The following SPAG16 variants were observed in gnomAD, a reference collection of about 807,000 sequenced individuals.
SPAG16 encodes the protein sperm-associated antigen 16 protein.
SPAG16 carries 86 observed loss-of-function variants against 80.4 expected under a neutral mutation model. The ratio of observed to expected loss-of-function variants is 1.07; its 90% confidence interval spans 0.90 to 1.28. SPAG16 has a LOEUF of 1.28. Ranked by LOEUF, SPAG16 falls within the 50% of genes most tolerant of loss-of-function variation. The pLI is 0.00. For synonymous variants in SPAG16, 294 were observed against 265.9 expected (o/e 1.11, Z -1.03); for missense variants, 870 against 765.3 (o/e 1.14, Z -1.61).
intron 11 of SPAG16, among the ~76,000 whole-genome samples, chr2:213,919,321 G>C (rs965193041): frequency 2.0e-5 from 3 of 151,748 alleles, no homozygotes; most frequent in Non-Finnish European, 2.9e-5. Flanking sequence ...TATTTCTTCT[G>C]TTAGTTTTTG....
chr2:213,306,759 A>T (rs140869531), intron 3 of SPAG16, among the ~76,000 whole-genome samples: 2 of 151,956 alleles, frequency 1.3e-5, no homozygotes, highest in African/African-American at 2.4e-5. Context: ...AAAATTCCAT[A>T]ATTACTACAG....
intron 10 of SPAG16, among the ~76,000 whole-genome samples, chr2:213,512,569 C>T (rs745984269): frequency 1.4e-4 from 21 of 152,046 alleles, no homozygotes; most frequent in Non-Finnish European, 1.9e-4. Flanking sequence ...CCTAAAAATT[C>T]GGCTAGGAGA....
chr2:214,088,066 G>A (rs2051902401), intron 13 of SPAG16, among the ~76,000 whole-genome samples: 1 of 151,944 alleles, frequency 6.6e-6, no homozygotes, highest in Non-Finnish European at 1.5e-5. Flanking sequence ...AAAATAAATT[G>A]AAAGGTTATT....
chr2:214,017,691 G>C (rs1274093621), intron 13 of SPAG16, among the ~76,000 whole-genome samples: 1 of 152,110 alleles, frequency 6.6e-6, no homozygotes, highest in Non-Finnish European at 1.5e-5. Context: ...GAGAAAAAGA[G>C]GGATTCAGCA....
chr2:213,372,317 G>A (rs531252266), intron 8 of SPAG16, among the ~76,000 whole-genome samples: 5 of 151,980 alleles, frequency 3.3e-5, no homozygotes, highest in Admixed American at 6.5e-5. Context: ...TATTAATTCC[G>A]GATGACCTTC....
chr2:213,510,069 G>A (rs984798101), intron 10 of SPAG16, among the ~76,000 whole-genome samples: 3 of 152,156 alleles, frequency 2.0e-5, no homozygotes, highest in East Asian at 3.8e-4. Flanking sequence ...AAATCTAGAA[G>A]AAATGGATAA....
intron 12 of SPAG16, among the ~76,000 whole-genome samples, chr2:213,971,740 A>AT (rs1468893741): frequency 3.3e-5 from 5 of 152,154 alleles, no homozygotes; most frequent in Non-Finnish European, 7.4e-5. Flanking sequence ...GTACACATAC[A>AT]TATGTTTAAC....
At chr2:214,095,154 C>A (rs1168814281) in intron 13 of SPAG16, among the ~76,000 whole-genome samples, 3 of 152,028 alleles carry the variant, frequency 2.0e-5, no homozygotes, top group Non-Finnish European at 4.4e-5. Flanking sequence ...TTAAAGCCAA[C>A]CCCCTTCATA....
intron 10 of SPAG16, among the ~76,000 whole-genome samples, chr2:213,846,046 C>T (rs1037340382): frequency 4.6e-5 from 7 of 152,166 alleles, no homozygotes; most frequent in Non-Finnish European, 7.4e-5. Flanking sequence ...GTGCAAGTCA[C>T]TTATCAGTCA....
intron 15 of SPAG16, among the ~76,000 whole-genome samples, chr2:214,149,594 A>G (rs1277003811): frequency 6.6e-6 from 1 of 152,106 alleles, no homozygotes; most frequent in Non-Finnish European, 1.5e-5. Context: ...TCGATTTTCT[A>G]AAGGCAAAAT....
intron 10 of SPAG16, among the ~76,000 whole-genome samples, chr2:213,823,806 G>A (rs1332335389): frequency 6.6e-6 from 1 of 152,174 alleles, no homozygotes; most frequent in African/African-American, 2.4e-5. Flanking sequence ...GTAAATTACG[G>A]ATGTTAGGCC....
At chr2:213,997,277 A>G (rs1162219325) in intron 12 of SPAG16, among the ~76,000 whole-genome samples, 1 of 152,244 alleles carries the variant, frequency 6.6e-6, no homozygotes, top group Non-Finnish European at 1.5e-5. Flanking sequence ...GCTCAGGAAT[A>G]ATACTATATA....
chr2:214,182,502 A>G (rs753284858), intron 15 of SPAG16, among the ~76,000 whole-genome samples: 7 of 151,908 alleles, frequency 4.6e-5, no homozygotes, highest in Non-Finnish European at 1.0e-4. Flanking sequence ...AAATGCTACA[A>G]GATTATAGAC....
chr2:214,157,004 A>G (rs910870642), intron 15 of SPAG16, among the ~76,000 whole-genome samples: 2 of 152,160 alleles, frequency 1.3e-5, no homozygotes, highest in Non-Finnish European at 2.9e-5. Context: ...ATTATTTTAC[A>G]ATCCCATTAT....
At chr2:213,390,512 G>A (rs891436386) in intron 9 of SPAG16, among the ~76,000 whole-genome samples, 7 of 152,092 alleles carry the variant, frequency 4.6e-5, no homozygotes, top group African/African-American at 1.7e-4. Flanking sequence ...CAACAAATAT[G>A]TTAAAACATT....
intron 10 of SPAG16, among the ~76,000 whole-genome samples, chr2:213,646,722 A>C (rs955333951): frequency 2.6e-5 from 4 of 152,214 alleles, no homozygotes; most frequent in African/African-American, 9.6e-5. Flanking sequence ...TATTGTGTAT[A>C]ATTTTGTATA....
rs572406529 is a variant in SPAG16, at chr2:213,907,571, G to A, written c.1215-22389G>A. Among the ~76,000 whole-genome samples, 5 of 152,054 alleles carry A rather than the reference G, an allele frequency of 3.3e-5. No homozygotes were observed. In the South Asian group the frequency reaches 1.0e-3, roughly 32 times the overall value. On this transcript the variant is annotated intron_variant, in intron 11 of 15. Transcript: ENST00000331683. ...GGAAGTAAAAGCAGTATATCAAAGT[G>A]ATAACTGTACTCCTATGTTTAATGC...
chr2:214,381,754 G>GTTACT (rs1700460637), intron 15 of SPAG16, among the ~76,000 whole-genome samples: 1 of 152,180 alleles, frequency 6.6e-6, no homozygotes, highest in Non-Finnish European at 1.5e-5. Flanking sequence ...TAGTCAATCT[G>GTTACT]TTACTTAATC....
chr2:214,026,109 C>A (rs977463692), intron 13 of SPAG16, among the ~76,000 whole-genome samples: 1 of 151,274 alleles, frequency 6.6e-6, no homozygotes, highest in Non-Finnish European at 1.5e-5. Flanking sequence ...ATTTGTTTGT[C>A]CAAAAACAGT....
Sources: allele counts gnomAD v4.1 joint callset (sites outside exome capture counted in the v4.1 genomes callset), GRCh38; gene constraint gnomAD v4.1.1; transcripts MANE v1.5; gene names NCBI Gene and HGNC (gene_info 2026-07-23, HGNC 2026-07-21).